PPM1L: variants seen among roughly 807,000 people sequenced by gnomAD.
PPM1L encodes protein phosphatase 1L.
Under a neutral mutation model 31.4 loss-of-function variants are expected in PPM1L, and 13 were observed. That is an observed-to-expected ratio of 0.41 (90% CI 0.27 to 0.66). The LOEUF (loss-of-function observed/expected upper bound fraction) is 0.66. Ranked by LOEUF, PPM1L falls within the 30% of genes least tolerant of loss-of-function variation. The pLI is 0.29. For synonymous variants in PPM1L, 184 were observed against 175.4 expected (o/e 1.05, Z -0.39); for missense variants, 326 against 453.7 (o/e 0.72, Z 2.56).
chr3:160,946,270 G>A (rs927959148), intron 1 of PPM1L, among the ~76,000 whole-genome samples: 3 of 152,052 alleles, frequency 2.0e-5, no homozygotes, highest in Admixed American at 2.0e-4. Flanking sequence ...AGGCTTACTG[G>A]GGGTTTGCAA....
At chr3:161,021,896 G>T (rs1165388254) in intron 2 of PPM1L, among the ~76,000 whole-genome samples, 1 of 151,546 alleles carries the variant, frequency 6.6e-6, no homozygotes, top group African/African-American at 2.4e-5. Context: ...TGTGCCATTG[G>T]ATCTAAAGTA....
At chr3:160,959,056 A>C (rs560937955) in intron 1 of PPM1L, among the ~76,000 whole-genome samples, 1 of 152,370 alleles carries the variant, frequency 6.6e-6, no homozygotes, top group Admixed American at 6.5e-5. Flanking sequence ...CTAAATGCCC[A>C]CCAACCAACA....
At chr3:160,933,648 T>C (rs1027302709) in intron 1 of PPM1L, among the ~76,000 whole-genome samples, 1 of 151,722 alleles carries the variant, frequency 6.6e-6, no homozygotes, top group Non-Finnish European at 1.5e-5. Context: ...AGCATGCAAA[T>C]AGAAAGCATA....
chr3:160,870,896 T>C (rs1455986675), intron 1 of PPM1L, among the ~76,000 whole-genome samples: 2 of 152,154 alleles, frequency 1.3e-5, no homozygotes, highest in Non-Finnish European at 2.9e-5. Flanking sequence ...AAGACGGCTG[T>C]GTGGGAAAGA....
chr3:160,788,778 A>G (rs958527962), intron 1 of PPM1L, among the ~76,000 whole-genome samples: 3 of 152,094 alleles, frequency 2.0e-5, no homozygotes, highest in African/African-American at 2.4e-5. Flanking sequence ...CCAGCTTGCT[A>G]TAATAATCCA....
intron 2 of PPM1L, among the ~76,000 whole-genome samples, chr3:160,984,620 T>G (rs1716905273): frequency 6.6e-6 from 1 of 152,186 alleles, no homozygotes; most frequent in Non-Finnish European, 1.5e-5. Context: ...CATGAAATCT[T>G]CACAATTTAT....
chr3:160,786,641 T>C (rs781459158), intron 1 of PPM1L, among the ~76,000 whole-genome samples: 1 of 151,944 alleles, frequency 6.6e-6, no homozygotes, highest in African/African-American at 2.4e-5. Context: ...ATAGGTTTGT[T>C]ACATGGGTAA....
chr3:160,763,845 A>G (rs1234557888), intron 1 of PPM1L, among the ~76,000 whole-genome samples: 1 of 152,030 alleles, frequency 6.6e-6, no homozygotes, highest in Admixed American at 6.6e-5. Flanking sequence ...AGAGAGGGAG[A>G]GGATGTGATG....
chr3:160,978,584 C>A (rs1358034899), intron 2 of PPM1L, among the ~76,000 whole-genome samples: 19 of 152,186 alleles, frequency 1.2e-4, no homozygotes. Flanking sequence ...ACTACCAACA[C>A]TTTGGGAGGC....
intron 2 of PPM1L, among the ~76,000 whole-genome samples, chr3:161,029,542 A>G (rs1718502040): frequency 1.3e-5 from 2 of 152,352 alleles, no homozygotes; most frequent in South Asian, 4.1e-4. Flanking sequence ...TATTTCCACC[A>G]TGAATATCAG....
At chr3:160,808,301 G>A (rs1712670155) in intron 1 of PPM1L, among the ~76,000 whole-genome samples, 2 of 150,644 alleles carry the variant, frequency 1.3e-5, no homozygotes, top group South Asian at 4.2e-4. Flanking sequence ...GTGTGTGTGT[G>A]TGTGTGTGTG....
intron 1 of PPM1L, among the ~76,000 whole-genome samples, chr3:160,784,132 G>A (rs141786384): frequency 1.3e-5 from 2 of 152,086 alleles, no homozygotes; most frequent in East Asian, 3.9e-4. Flanking sequence ...TAATTTTAAT[G>A]TACTTCATAA....
chr3:161,027,369 C>T lies in PPM1L; in HGVS notation c.575-38034C>T, dbSNP rs140423271. 3.8e-4 allele frequency among the ~76,000 whole-genome samples: 58 copies of T among 152,258 alleles called. 1 individual carries two copies. The South Asian group carries it at 0.01, about 27-fold the overall frequency. On this transcript the variant is annotated intron_variant, in intron 2 of 3. Transcript: ENST00000498165. ...TTTTCACACTGCTGATAAAGACATA[C>T]CTGACACTGGGTAATTTATACAGGA...
intron 1 of PPM1L, among the ~76,000 whole-genome samples, chr3:160,781,160 G>A (rs935342015): frequency 6.6e-6 from 1 of 152,122 alleles, no homozygotes; most frequent in African/African-American, 2.4e-5. Flanking sequence ...CCCCACTCAT[G>A]TTCTACTGTG....
At chr3:160,794,203 G>A (rs1243255834) in intron 1 of PPM1L, among the ~76,000 whole-genome samples, 2 of 152,216 alleles carry the variant, frequency 1.3e-5, no homozygotes, top group Admixed American at 1.3e-4. Context: ...TTTGGCTTAT[G>A]GAAGGATTAT....
chr3:160,780,919 G>A (rs1173373576), intron 1 of PPM1L, among the ~76,000 whole-genome samples: 2 of 152,146 alleles, frequency 1.3e-5, no homozygotes, highest in African/African-American at 2.4e-5. Flanking sequence ...ATAGTGCCTG[G>A]CATTGTGGTA....
At chr3:161,019,012 A>G (rs1292379016) in intron 2 of PPM1L, among the ~76,000 whole-genome samples, 2 of 152,206 alleles carry the variant, frequency 1.3e-5, no homozygotes, top group Admixed American at 6.5e-5. Context: ...CTTTTACTGA[A>G]TAACTTCTAT....
At chr3:160,934,669 T>C (rs901079040) in intron 1 of PPM1L, among the ~76,000 whole-genome samples, 2 of 152,170 alleles carry the variant, frequency 1.3e-5, no homozygotes, top group Non-Finnish European at 2.9e-5. Context: ...TTTTACATCA[T>C]TGGCCGGGTG....
intron 2 of PPM1L, among the ~76,000 whole-genome samples, chr3:160,988,714 C>A (rs1190170052): frequency 6.6e-6 from 1 of 152,142 alleles, no homozygotes. Flanking sequence ...GAACAACTTA[C>A]CAGAATAGAA....
Sources: allele counts gnomAD v4.1 joint callset (sites outside exome capture counted in the v4.1 genomes callset), GRCh38; gene constraint gnomAD v4.1.1; transcripts MANE v1.5; gene names NCBI Gene and HGNC (gene_info 2026-07-23, HGNC 2026-07-21).